The following PKHD1 variants were observed in gnomAD, a reference collection of about 807,000 sequenced individuals.
PKHD1 encodes fibrocystin.
PKHD1 carries 291 observed loss-of-function variants against 412.0 expected under a neutral mutation model. The ratio of observed to expected loss-of-function variants is 0.71; its 90% CI spans 0.64 to 0.78. PKHD1 has a LOEUF of 0.78. Among genes scored for constraint, PKHD1 ranks in the 30% least tolerant of loss-of-function variants. The pLI, the probability that PKHD1 is intolerant of heterozygous loss-of-function variation, is 0.00. For synonymous variants in PKHD1, 1,777 were observed against 1,821.5 expected, an observed-to-expected ratio of 0.98 and a Z score of 0.62; for missense variants, 4,825 against 4,950.7, an observed-to-expected ratio of 0.97 and a Z score of 0.76.
intron 65 of PKHD1, among the ~76,000 whole-genome samples, chr6:51,628,473 A>G (rs1057045826): frequency 6.6e-6 from 1 of 152,120 alleles, no homozygotes; most frequent in Non-Finnish European, 1.5e-5. Context: ...TATCCAGTAC[A>G]CTGTTGATGA....
chr6:51,906,174 T>C, intron 41 of PKHD1, 41 bp downstream of exon 41: 1 of 1,575,486 alleles, frequency 6.3e-7, no homozygotes, highest in Non-Finnish European at 8.7e-7. Context: ...AACTGTGTCC[T>C]ACACAAGAAT....
At chr6:51,683,317 T>TA (rs1776951569) in intron 60 of PKHD1, among the ~76,000 whole-genome samples, 1 of 151,996 alleles carries the variant, frequency 6.6e-6, no homozygotes, top group Non-Finnish European at 1.5e-5. Flanking sequence ...ATTACAGAGA[T>TA]ACACAATTGA....
At chr6:51,994,052 A>G (rs1248128287) in intron 35 of PKHD1, among the ~76,000 whole-genome samples, 1 of 152,112 alleles carries the variant, frequency 6.6e-6, no homozygotes, top group South Asian at 2.1e-4. Context: ...GGACTCTCCA[A>G]GCTTTTAATG....
intron 35 of PKHD1, among the ~76,000 whole-genome samples, chr6:51,981,051 T>A (rs1031638007): frequency 6.6e-6 from 1 of 151,986 alleles, no homozygotes; most frequent in Non-Finnish European, 1.5e-5. Context: ...TATATTTTGG[T>A]CAAAAATGGG....
rs774770612 is a variant in PKHD1, at chr6:52,044,957, C to A, written c.2715+9G>T. The stretch of plus-strand genomic sequence containing the variant: ...GAGCTTGCACTTAGGGTGGCCCATT[C>A]ACTCTCACCTGAGTATGCTGGTTGG... On this transcript the variant is annotated intron_variant, in intron 25 of 66. Coordinates refer to ENST00000371117, the MANE Select transcript of PKHD1 (RefSeq NM_138694.4). 1 of 1,613,344 alleles carries A rather than the reference C, an allele frequency of 6.2e-7. No homozygotes were observed. The highest frequency in any genetic ancestry group is 1.1e-5 in the South Asian group (1 of 91,036).
intron 60 of PKHD1, among the ~76,000 whole-genome samples, chr6:51,723,868 T>C (rs1049924793): frequency 2.0e-5 from 3 of 152,202 alleles, no homozygotes; most frequent in African/African-American, 7.2e-5. Context: ...TACTGAGCAC[T>C]TTTGAATTAA....
At chr6:51,952,674 T>G (rs1053992100) in intron 36 of PKHD1, among the ~76,000 whole-genome samples, 22 of 152,094 alleles carry the variant, frequency 1.4e-4, no homozygotes, top group African/African-American at 4.6e-4. Context: ...TCCCCTCCCA[T>G]GAAATAAGTA....
chr6:51,623,520 A>G (rs1462066748), intron 66 of PKHD1, among the ~76,000 whole-genome samples: 1 of 152,188 alleles, frequency 6.6e-6, no homozygotes, highest in African/African-American at 2.4e-5. Context: ...TATTCTTAAA[A>G]AAGCATATCA....
intron 43 of PKHD1, among the ~76,000 whole-genome samples, chr6:51,899,571 G>A (rs1412826213): frequency 6.6e-6 from 1 of 150,612 alleles, no homozygotes; most frequent in South Asian, 2.1e-4. Context: ...TACTGAATGG[G>A]CAAAAACTGG....
chr6:51,820,535 T>C (rs1045034661), intron 52 of PKHD1, among the ~76,000 whole-genome samples: 3 of 152,198 alleles, frequency 2.0e-5, no homozygotes, highest in Admixed American at 6.5e-5. Flanking sequence ...TCACATTTTA[T>C]TTTAATATTT....
At chr6:51,770,718 A>C (rs573303672) in intron 55 of PKHD1, among the ~76,000 whole-genome samples, 31 of 151,878 alleles carry the variant, frequency 2.0e-4, no homozygotes, top group Admixed American at 6.6e-4. Flanking sequence ...TATGCTATTC[A>C]AAATTCTAGT....
chr6:52,028,253 G>A lies in PKHD1; in HGVS notation c.3463C>T (p.Gln1155Ter), dbSNP rs1554200780. ...VQDALAPVHT[Q>*]SAWGLEVALP... ...GCCACCTCCAGGCCCCAAGCCGACT[G>A]TGTGTGAACCGGAGCCAAGGCATCC... The change falls in exon 30 of 67, where the codon CAG becomes TAG. Residue 1155 changes from glutamine (Q) to a stop codon, truncating the protein, a stop_gained. Transcript: ENST00000371117. LOFTEE classifies it high-confidence loss of function. 1 of 1,614,036 alleles carries A rather than the reference G, an allele frequency of 6.2e-7. No homozygotes were observed. Among genetic ancestry groups the A allele is most frequent in the Non-Finnish European group, 8.5e-7 (1 of 1,180,014 alleles).
chr6:52,035,482 G>T, intron 28 of PKHD1, 109 bp downstream of exon 28: 1 of 1,092,932 alleles, frequency 9.1e-7, no homozygotes, highest in Non-Finnish European at 1.4e-6. Flanking sequence ...CTATCATAAT[G>T]AGAAGTTTAC....
chr6:52,074,205 G>C (rs1562289856), intron 6 of PKHD1, among the ~76,000 whole-genome samples: 1 of 152,220 alleles, frequency 6.6e-6, no homozygotes, highest in African/African-American at 2.4e-5. Flanking sequence ...CCAGAAGACT[G>C]AGCCTCTTTA....
chr6:51,955,765 A>T (rs1033080369), intron 36 of PKHD1, among the ~76,000 whole-genome samples: 3 of 152,096 alleles, frequency 2.0e-5, no homozygotes, highest in African/African-American at 7.2e-5. Flanking sequence ...CTGAGAAAGT[A>T]CTTCCATTAT....
intron 35 of PKHD1, among the ~76,000 whole-genome samples, chr6:51,993,164 C>A (rs1238017330): frequency 6.6e-6 from 1 of 152,248 alleles, no homozygotes; most frequent in East Asian, 1.9e-4. Flanking sequence ...TAAAGGTTAA[C>A]AAAACCACTG....
At chr6:52,040,492 G>T (rs1804686506) in intron 27 of PKHD1, among the ~76,000 whole-genome samples, 1 of 151,916 alleles carries the variant, frequency 6.6e-6, no homozygotes, top group African/African-American at 2.4e-5. Context: ...TCCTCCAATG[G>T]CCACCATCTC....
intron 60 of PKHD1, among the ~76,000 whole-genome samples, chr6:51,671,859 C>T (rs945579705): frequency 2.0e-5 from 3 of 151,952 alleles, no homozygotes; most frequent in South Asian, 2.1e-4. Flanking sequence ...GTAGGCTGCT[C>T]GGGGGTCAGG....
rs1293866857 is a variant in PKHD1 at position 52,070,516 on chromosome 6, TAAG to T, written c.668-74_668-72del. The T allele has an allele frequency of 2.0e-4, 232 of 1,175,276 alleles. 1 individual carries two copies. The highest frequency in any genetic ancestry group is 9.5e-4 in the Middle Eastern group (5 of 5,282). The allele number at this position is 1,175,276 out of a possible 1,614,324, so 72.8% of individuals were successfully genotyped here. ...CTTCTGGGCCAGGCCATTGCTTTCA[TAAG>T]CCCAAAGACTCCAATATCATCAAAT... is the stretch of plus-strand genomic sequence containing the variant. On this transcript the variant is annotated intron_variant, in intron 9 of 66. Coordinates refer to ENST00000371117, the MANE Select transcript of PKHD1 (RefSeq NM_138694.4).
Sources: allele counts gnomAD v4.1 joint callset (sites outside exome capture counted in the v4.1 genomes callset), GRCh38; gene constraint gnomAD v4.1.1; transcripts MANE v1.5; gene names NCBI Gene and HGNC (gene_info 2026-07-23, HGNC 2026-07-21).